RBM26: variants seen among roughly 807,000 people sequenced by gnomAD.
RBM26 encodes the protein RNA-binding protein 26.
A neutral mutation model predicts 123.6 loss-of-function variants in RBM26; 30 were observed. The ratio of observed to expected loss-of-function variants is 0.24; its 90% CI spans 0.18 to 0.33. The LOEUF (loss-of-function observed/expected upper bound fraction) is 0.33, where lower values mean the gene tolerates loss of function less well. RBM26 is among the 10% of genes least tolerant of loss of function. The pLI is 1.00. For synonymous variants in RBM26, 400 were observed against 404.4 expected, an observed-to-expected ratio of 0.99 and a Z score of 0.13; for missense variants, 947 against 1,203.6, an observed-to-expected ratio of 0.79 and a Z score of 3.15.
In RBM26 at chr13:79,341,190, T is replaced by C. The variant is rs762882080; in HGVS notation, c.2465A>G (p.Tyr822Cys). 6.2e-7 allele frequency: 1 copy of C among 1,610,026 alleles called. No homozygotes were observed. The highest frequency in any genetic ancestry group is 1.1e-5 in the South Asian group (1 of 90,824). Residue 822 changes from tyrosine (Y) to cysteine (C), a missense_variant, in exon 18 of 22, where the codon TAT (tyrosine) becomes TGT (cysteine). By Grantham distance (194) the Tyr-to-Cys change is radical (BLOSUM62 -2). Around this residue, in one of 5 missense-constraint regions of RBM26, gnomAD observed 4 missense variants for 19.7 expected, o/e 0.20. Coordinates refer to ENST00000438737, the MANE Select transcript of RBM26 (RefSeq NM_001366735.2). ...TTCTTCTCCAGCCTGCATCTTCTTA[T>C]ATAAATCCAGTTCTGTGTCAAGTAA... is the stretch of plus-strand genomic sequence containing the variant. ...KELLDTELDL[Y>C]KKMQAGEEVT...
At chr13:79,400,002 T>G (rs1408851018) in intron 1 of RBM26, among the ~76,000 whole-genome samples, 1 of 152,148 alleles carries the variant, frequency 6.6e-6, no homozygotes, top group Non-Finnish European at 1.5e-5. Flanking sequence ...CATACTTATG[T>G]GAAAATAAAT....
At chr13:79,392,204 A>AAT (rs2140415177) in intron 1 of RBM26, among the ~76,000 whole-genome samples, 8 of 104,222 alleles carry the variant, frequency 7.7e-5, no homozygotes, top group Admixed American at 2.9e-4. Flanking sequence ...ATTATATATT[A>AAT]TACAATAATA....
chr13:79,379,790 GTGTT>G (rs2076936236), intron 1 of RBM26, among the ~76,000 whole-genome samples: 1 of 150,696 alleles, frequency 6.6e-6, no homozygotes, highest in Non-Finnish European at 1.5e-5. Context: ...CTAACCCACA[GTGTT>G]TTTACCGAGA....
At chr13:79,349,729 T>C (rs2072930859) in intron 14 of RBM26, among the ~76,000 whole-genome samples, 2 of 151,510 alleles carry the variant, frequency 1.3e-5, no homozygotes, top group South Asian at 4.2e-4. Context: ...AGACAGAGTC[T>C]AGCTCTGCCA....
Position 79,366,737 on chromosome 13 carries a change from G to A in RBM26, c.1031C>T (p.Pro344Leu). The A allele has an allele frequency of 5.0e-6, 8 of 1,613,828 alleles. No individual in the cohort carries two copies. Among genetic ancestry groups the A allele is most frequent in the Non-Finnish European group, 6.8e-6 (8 of 1,179,856 alleles). ...AATTGGTGGAGGTGGGGGGAGTCCA[G>A]GAGGAGGTGGTCCTTCAACAACAGG... ...QPPVVEGPPPPGLPPPPPILT... is the reference protein window; with the variant it reads ...QPPVVEGPPPLGLPPPPPILT... The change falls in exon 7 of 22, where the codon CCT (proline) becomes CTT (leucine). Residue 344 changes from proline to leucine, a missense_variant. Physicochemically the swap from Pro to Leu is moderately conservative, Grantham distance 98 (BLOSUM62 -3). Coordinates refer to ENST00000438737, the MANE Select transcript of RBM26 (RefSeq NM_001366735.2).
chr13:79,403,878 G>A (rs2079268814), intron 1 of RBM26, among the ~76,000 whole-genome samples: 1 of 152,116 alleles, frequency 6.6e-6, no homozygotes, highest in African/African-American at 2.4e-5. Flanking sequence ...CTACCTATTT[G>A]CCTCCATTTT....
At chr13:79,358,512 A>C (rs2074292192) in intron 10 of RBM26, 79 bp from the exon 11 acceptor site, 2 of 1,116,972 alleles carry the variant, frequency 1.8e-6, no homozygotes, top group East Asian at 5.1e-5. Context: ...AGTTTAACAA[A>C]ATAGATATCC....
intron 1 of RBM26, among the ~76,000 whole-genome samples, chr13:79,388,601 T>G (rs1394119166): frequency 1.3e-5 from 2 of 152,220 alleles, no homozygotes; most frequent in African/African-American, 2.4e-5. Context: ...TCATGTATTC[T>G]CACAGAACTT....
intron 14 of RBM26, among the ~76,000 whole-genome samples, chr13:79,351,641 AAAAAT>A (rs1251960565): frequency 1.3e-5 from 2 of 152,106 alleles, no homozygotes; most frequent in Non-Finnish European, 2.9e-5. Flanking sequence ...TCACCACCAA[AAAAAT>A]AAAATAAAAT....
intron 20 of RBM26, among the ~76,000 whole-genome samples, chr13:79,322,835 C>A (rs1240233375): frequency 6.6e-6 from 1 of 151,334 alleles, no homozygotes; most frequent in Non-Finnish European, 1.5e-5. Context: ...ACTTCAAGAT[C>A]CTAGTTTTAA....
chr13:79,340,318 A>C (rs1266965888), intron 18 of RBM26, among the ~76,000 whole-genome samples: 1 of 152,010 alleles, frequency 6.6e-6, no homozygotes, highest in Non-Finnish European at 1.5e-5. Flanking sequence ...GTAGCTACTA[A>C]ATGTTAAGTC....
chr13:79,401,257 T>C (rs1418740517), intron 1 of RBM26, among the ~76,000 whole-genome samples: 1 of 152,232 alleles, frequency 6.6e-6, no homozygotes, highest in African/African-American at 2.4e-5. Context: ...CAAAGATGTT[T>C]ATTTCTTAAA....
chr13:79,377,229 T>G (rs1431141785), intron 3 of RBM26, 150 bp downstream of exon 3: 4 of 598,502 alleles, frequency 6.7e-6, no homozygotes, highest in African/African-American at 3.7e-5. Context: ...CACAATTATA[T>G]GCAGAGTCCT....
At position 79,319,993 on chromosome 13, in the gene RBM26, T is replaced by TA; in HGVS notation, c.*627_*628insT. 1.2e-6 allele frequency: 1 copy of TA among 802,414 alleles called. No individual in the cohort carries two copies. Among genetic ancestry groups the TA allele is most frequent in the Non-Finnish European group, 1.5e-6 (1 of 677,986 alleles). 49.7% of individuals were successfully genotyped at this position (802,414 alleles called of 1,614,324 possible). A position where few individuals can be genotyped will look rare whatever the true frequency, so the allele number is the denominator to read the frequency against. ...TTTGTCATTGCTTTTCTCTTTTCTTTCCTTTTTTTTTTTTAAAGAGACCAT... is the reference window on the plus strand; with the variant it reads ...TTTGTCATTGCTTTTCTCTTTTCTTTACCTTTTTTTTTTTTAAAGAGACCAT... On this transcript the variant is annotated 3_prime_UTR_variant, in exon 22 of 22. Coordinates refer to ENST00000438737, the MANE Select transcript of RBM26 (RefSeq NM_001366735.2).
chr13:79,312,566 A>C (rs897072414), exon 5 of RBM26: 1 of 152,046 alleles, frequency 6.6e-6, no homozygotes, highest in Non-Finnish European at 1.5e-5. Context: ...GCAGGATTAC[A>C]TATTTTAGTA....
At chr13:79,324,171 G>C (rs574849440) in intron 20 of RBM26, among the ~76,000 whole-genome samples, 102 of 151,716 alleles carry the variant, frequency 6.7e-4, no homozygotes, top group Admixed American at 1.4e-3. Context: ...GAGGAATTCG[G>C]AGTTAAATCC....
chr13:79,349,793 TG>T lies in RBM26; in HGVS notation c.2058+3359del, dbSNP rs547623085. Among the ~76,000 whole-genome samples the T allele has an allele frequency of 3.0e-4, 45 of 151,748 alleles. 2 individuals carry two copies. In the South Asian group the frequency reaches 9.4e-3, roughly 32 times the overall value. ...CGGCTCATTGCAACCTCCACCTCCC[TG>T]GTTCAAGTGATTCTCCTGCCAGCCT... On this transcript the variant is annotated intron_variant, in intron 14 of 21. Transcript: ENST00000438737.
At chr13:79,390,965 A>G (rs763982367) in intron 1 of RBM26, among the ~76,000 whole-genome samples, 3 of 152,216 alleles carry the variant, frequency 2.0e-5, no homozygotes, top group Non-Finnish European at 4.4e-5. Context: ...AGAACTTAGT[A>G]TCTATTTAAG....
chr13:79,350,110 C>T (rs1177533292), intron 14 of RBM26, among the ~76,000 whole-genome samples: 1 of 152,182 alleles, frequency 6.6e-6, no homozygotes, highest in Admixed American at 6.5e-5. Flanking sequence ...GCTAAATCAA[C>T]AGGTGAAGTT....
Sources: gnomAD v4.1 joint callset for allele counts (sites outside exome capture counted in the v4.1 genomes callset) on GRCh38, gnomAD v4.1.1 for gene constraint, gnomAD v4.1.1 regional missense constraint, MANE v1.5 for transcripts, NCBI Gene and HGNC (gene_info 2026-07-23, HGNC 2026-07-21) for gene names.